Variants in WDR35 observed in about 807,000 individuals in gnomAD.
The protein encoded by WDR35 is WD repeat domain 35.
WDR35 carries 118 observed loss-of-function variants against 158.3 expected under a neutral mutation model. That is an observed-to-expected ratio of 0.75 (90% CI 0.64 to 0.87). The LOEUF (loss-of-function observed/expected upper bound fraction) is 0.87, where lower values mean the gene tolerates loss of function less well. Among genes scored for constraint, WDR35 ranks in the 40% least tolerant of loss-of-function variants. The pLI is 0.00. For missense variants in WDR35, 1,263 were observed against 1,405.8 expected, an observed-to-expected ratio of 0.90 and a Z score of 1.62; for synonymous variants, 448 against 476.1, an observed-to-expected ratio of 0.94 and a Z score of 0.77.
At position 19,975,423 on chromosome 2, in the gene WDR35, T is replaced by C. The variant is rs139145298; in HGVS notation, c.570+107A>G. ...GAAAAAAAATCTGAATTGAAGACTT[T>C]AATTACACAAACCGCCATAAAAAAT... On this transcript the variant is annotated intron_variant, in intron 6 of 26. Transcript: ENST00000281405. 1.3e-3 allele frequency: 1,644 copies of C among 1,261,630 alleles called. 15 individuals are homozygous for C. In the African/African-American group the frequency reaches 0.023, roughly 18 times the overall value. The allele number at this position is 1,261,630 out of a possible 1,614,324, so 78.2% of individuals were successfully genotyped here.
chr2:19,977,450 C>G (rs1672250099), intron 5 of WDR35, among the ~76,000 whole-genome samples: 1 of 152,174 alleles, frequency 6.6e-6, no homozygotes, highest in Non-Finnish European at 1.5e-5. Flanking sequence ...GACTTCCATC[C>G]TCTCATCCCC....
chr2:19,945,732 T>G (rs1341295363), intron 16 of WDR35, 54 bp downstream of exon 16: 1 of 1,598,432 alleles, frequency 6.3e-7, no homozygotes, highest in Non-Finnish European at 8.6e-7. Context: ...TCATCCAGGT[T>G]TTTATATTTG....
At chr2:19,960,748 C>G in intron 10 of WDR35, 134 bp from the exon 11 acceptor site, 2 of 660,310 alleles carry the variant, frequency 3.0e-6, no homozygotes, top group Admixed American at 5.6e-5. Context: ...CTGTTACGTG[C>G]AAAAAATAGC....
rs377451275 is a variant in WDR35, at chr2:19,989,139, A to T, written c.142+26T>A. The T allele has an allele frequency of 9.4e-6, 15 of 1,600,672 alleles. No homozygotes were observed. The African/African-American group carries it at 1.9e-4, about 20-fold the overall frequency. ...AAATAACATTAGCCAATTTACTACC[A>T]AACATGTGGGCTTGCATTCATTTAC... On this transcript the variant is annotated intron_variant, in intron 2 of 26. Transcript: ENST00000281405.
At chr2:19,930,952 T>C (rs537291932) in intron 24 of WDR35, among the ~76,000 whole-genome samples, 39 of 152,316 alleles carry the variant, frequency 2.6e-4, no homozygotes, top group African/African-American at 9.1e-4. Flanking sequence ...ATTACAACAA[T>C]ATATCTAGGA....
At position 19,969,640 on chromosome 2, in the gene WDR35, A is replaced by T. The variant is rs762755793; in HGVS notation, c.883-35T>A. 1.9e-6 allele frequency: 3 copies of T among 1,605,142 alleles called. No homozygotes were observed. In the Admixed American group the frequency reaches 5.0e-5, roughly 27 times the overall value. The stretch of plus-strand genomic sequence containing the variant: ...AAAGTTATCTTTAACCTAAAGTATA[A>T]CAATTAACTGAAATACAAATTACCA... On this transcript the variant is annotated intron_variant, in intron 8 of 26. Transcript: ENST00000281405.
intron 19 of WDR35, among the ~76,000 whole-genome samples, chr2:19,936,891 A>G (rs562026986): frequency 6.6e-6 from 1 of 152,288 alleles, no homozygotes; most frequent in South Asian, 2.1e-4. Flanking sequence ...TAGCACCCCA[A>G]ATGGTCTAAG....
At chr2:19,932,616 A>T (rs992678529) in intron 22 of WDR35, among the ~76,000 whole-genome samples, 169 bp from the exon 23 acceptor site, 1 of 152,214 alleles carries the variant, frequency 6.6e-6, no homozygotes, top group South Asian at 2.1e-4. Context: ...TCCTATAAGC[A>T]TAAGTCAAAA....
chr2:19,958,405 G>A (rs1264112464), intron 11 of WDR35, among the ~76,000 whole-genome samples: 1 of 152,072 alleles, frequency 6.6e-6, no homozygotes, highest in Non-Finnish European at 1.5e-5. Flanking sequence ...GGCACCTAGA[G>A]CAATACCTAG....
chr2:19,951,275 C>T (rs1435418117), intron 13 of WDR35, 140 bp downstream of exon 13: 2 of 769,142 alleles, frequency 2.6e-6, no homozygotes, highest in Non-Finnish European at 2.0e-6. Flanking sequence ...AAAAAGTTTA[C>T]AGAAGAGGAT....
rs928424664 is a variant in WDR35, at chr2:19,911,512, G to C, written c.*2046C>G. 2 of 152,222 alleles carry C rather than the reference G, an allele frequency of 1.3e-5. No individual in the cohort carries two copies. The highest frequency in any genetic ancestry group is 2.9e-5 in the Non-Finnish European group (2 of 68,038). 9.4% of individuals were successfully genotyped at this position (152,222 alleles called of 1,614,324 possible). On this transcript the variant is annotated 3_prime_UTR_variant, in exon 27 of 27. Coordinates refer to ENST00000281405, the MANE Select transcript of WDR35 (RefSeq NM_020779.4). ...GAAAGATGCAAGTTCAACAGGAGATGTACTGTCTTAGACAGACTTCTTTGT... is the reference window on the plus strand; with the variant it reads ...GAAAGATGCAAGTTCAACAGGAGATCTACTGTCTTAGACAGACTTCTTTGT...
chr2:19,954,200 T>C (rs139868774), intron 11 of WDR35, among the ~76,000 whole-genome samples: 57 of 152,298 alleles, frequency 3.7e-4, no homozygotes, highest in African/African-American at 1.3e-3. Flanking sequence ...GAGACTCAAA[T>C]GCTAAAACCA....
chr2:19,956,712 C>G (rs973726765), intron 11 of WDR35, among the ~76,000 whole-genome samples: 1 of 151,352 alleles, frequency 6.6e-6, no homozygotes, highest in Admixed American at 6.6e-5. Flanking sequence ...GCTCCGCCTC[C>G]CGGGTTCACG....
chr2:19,940,406 A>G (rs1360134741), intron 17 of WDR35, among the ~76,000 whole-genome samples: 1 of 152,126 alleles, frequency 6.6e-6, no homozygotes, highest in Non-Finnish European at 1.5e-5. Flanking sequence ...CGTGTGGAAA[A>G]GGAAAAAATA....
chr2:19,967,178 G>A (rs1329563407), intron 9 of WDR35, among the ~76,000 whole-genome samples: 1 of 152,102 alleles, frequency 6.6e-6, no homozygotes, highest in Admixed American at 6.6e-5. Flanking sequence ...AGCTTCAATG[G>A]TAAAAATTTT....
chr2:19,955,446 A>G (rs2103428641), intron 11 of WDR35, among the ~76,000 whole-genome samples: 1 of 152,344 alleles, frequency 6.6e-6, no homozygotes, highest in Admixed American at 6.5e-5. Context: ...TGCTTTTATG[A>G]AGTAGATAGT....
chr2:19,942,624 GA>G (rs1160040317), intron 16 of WDR35, among the ~76,000 whole-genome samples: 9 of 144,134 alleles, frequency 6.2e-5, no homozygotes, highest in South Asian at 2.2e-4. Context: ...GTTGATCCAT[GA>G]AAAAAAAAAT....
chr2:19,978,397 A>G (rs1253758631), intron 5 of WDR35, among the ~76,000 whole-genome samples: 1 of 152,206 alleles, frequency 6.6e-6, no homozygotes, highest in Admixed American at 6.5e-5. Context: ...ATTCAGTTCC[A>G]ATAAAAACGA....
chr2:19,969,298 T>C (rs989179650), intron 9 of WDR35, among the ~76,000 whole-genome samples, 182 bp downstream of exon 9: 2 of 152,240 alleles, frequency 1.3e-5, no homozygotes, highest in Non-Finnish European at 2.9e-5. Flanking sequence ...CTAAGACTCA[T>C]GGAGTAATTT....
Sources: gnomAD v4.1 joint callset for allele counts (sites outside exome capture counted in the v4.1 genomes callset) on GRCh38, gnomAD v4.1.1 for gene constraint, MANE v1.5 for transcripts, NCBI Gene and HGNC (gene_info 2026-07-23, HGNC 2026-07-21) for gene names.